The following CSMD1 variants were observed in gnomAD, a reference collection of about 807,000 sequenced individuals.
CSMD1 encodes CUB and Sushi multiple domains 1.
Under a neutral mutation model 417.5 loss-of-function variants are expected in CSMD1, and 213 were observed. That is an observed-to-expected ratio of 0.51 (90% confidence interval 0.46 to 0.57). CSMD1 has a LOEUF of 0.57. Ranked by LOEUF, CSMD1 falls within the 20% of genes least tolerant of loss-of-function variation. The pLI is 0.00. For synonymous variants in CSMD1, 2,862 were observed against 1,736.8 expected (o/e 1.65, Z -16.11); for missense variants, 6,923 against 4,529.7 (o/e 1.53, Z -15.17).
At chr8:3,793,532 C>G (rs1799869295) in intron 5 of CSMD1, among the ~76,000 whole-genome samples, 1 of 150,888 alleles carries the variant, frequency 6.6e-6, no homozygotes, top group Admixed American at 6.6e-5. Context: ...GATTCGATCT[C>G]TGGGCTTCCA....
chr8:3,716,379 G>A (rs867773070), intron 6 of CSMD1, among the ~76,000 whole-genome samples: 16 of 152,206 alleles, frequency 1.1e-4, no homozygotes, highest in Admixed American at 3.9e-4. Flanking sequence ...CTTGAAGGCC[G>A]CTGGTTGCCC....
At chr8:3,496,684 G>C (rs1341941208) in intron 10 of CSMD1, among the ~76,000 whole-genome samples, 1 of 152,090 alleles carries the variant, frequency 6.6e-6, no homozygotes, top group Non-Finnish European at 1.5e-5. Context: ...AAATTAGCCT[G>C]GCATGGTGGC....
intron 3 of CSMD1, among the ~76,000 whole-genome samples, chr8:4,281,765 A>G (rs1713541252): frequency 6.6e-6 from 1 of 152,226 alleles, no homozygotes; most frequent in African/African-American, 2.4e-5. Context: ...CAAAATACAT[A>G]AAGGAATAAA....
chr8:4,647,044 T>C (rs1803561366), intron 1 of CSMD1, among the ~76,000 whole-genome samples: 1 of 152,124 alleles, frequency 6.6e-6, no homozygotes, highest in South Asian at 2.1e-4. Context: ...CCATCCAAAG[T>C]GAGGCCAAGA....
At chr8:3,403,286 C>G (rs1585111950) in intron 15 of CSMD1, among the ~76,000 whole-genome samples, 1 of 152,172 alleles carries the variant, frequency 6.6e-6, no homozygotes, top group Admixed American at 6.5e-5. Context: ...GTATTACTCA[C>G]TGCTTCATTG....
chr8:4,424,014 G>C (rs1265455062), intron 2 of CSMD1, among the ~76,000 whole-genome samples: 3 of 151,930 alleles, frequency 2.0e-5, no homozygotes, highest in Admixed American at 1.3e-4. Flanking sequence ...ATAGCAAATA[G>C]TAAGTTTAAC....
rs1200467224 is a variant in CSMD1, at chr8:4,961,898, CCTTT to C, written c.85+32430_85+32433del. On this transcript the variant is annotated intron_variant, in intron 1 of 69. Coordinates refer to ENST00000635120, the MANE Select transcript of CSMD1 (RefSeq NM_033225.6). ...TTTCTAACACGTGCAAAAATTCCTTCCTTTTTTTTCCAATCTATTATTTTATTCA... is the reference window on the plus strand; with the variant it reads ...TTTCTAACACGTGCAAAAATTCCTTCTTTTTCCAATCTATTATTTTATTCA... 2.0e-5 allele frequency among the ~76,000 whole-genome samples: 3 copies of C among 151,370 alleles called. No individual in the cohort carries two copies. In the East Asian group the frequency reaches 5.8e-4, roughly 29 times the overall value.
Position 3,327,415 on chromosome 8 carries a change from G to A in CSMD1, c.3631+15879C>T, listed in dbSNP as rs896329790. 5.9e-5 allele frequency among the ~76,000 whole-genome samples: 9 copies of A among 152,278 alleles called. No individual in the cohort carries two copies. In the East Asian group the frequency reaches 7.7e-4, roughly 13 times the overall value. ...CCCAAAGTGCTGGGATTACAGGCATGAGCCACCTCGTCCGGCCTACAATAC... is the reference window on the plus strand; with the variant it reads ...CCCAAAGTGCTGGGATTACAGGCATAAGCCACCTCGTCCGGCCTACAATAC... On this transcript the variant is annotated intron_variant, in intron 23 of 69. Coordinates refer to ENST00000635120, the MANE Select transcript of CSMD1 (RefSeq NM_033225.6).
At chr8:3,621,358 C>T (rs1455835228) in intron 7 of CSMD1, among the ~76,000 whole-genome samples, 3 of 152,094 alleles carry the variant, frequency 2.0e-5, no homozygotes, top group Non-Finnish European at 4.4e-5. Flanking sequence ...GGCGTAAGGA[C>T]ACAAAGAGGT....
intron 1 of CSMD1, among the ~76,000 whole-genome samples, chr8:4,677,823 G>T (rs1474561375): frequency 3.3e-5 from 5 of 152,118 alleles, no homozygotes; most frequent in Admixed American, 2.0e-4. Context: ...CAAAAAGGAG[G>T]CAAGGATGGA....
intron 7 of CSMD1, among the ~76,000 whole-genome samples, chr8:3,698,087 G>A (rs901743252): frequency 6.6e-6 from 1 of 152,128 alleles, no homozygotes; most frequent in Non-Finnish European, 1.5e-5. Context: ...TAAACGGTAT[G>A]ATGAATAATT....
At chr8:4,027,397 T>G (rs936004173) in intron 4 of CSMD1, among the ~76,000 whole-genome samples, 1 of 152,144 alleles carries the variant, frequency 6.6e-6, no homozygotes, top group South Asian at 2.1e-4. Context: ...TCCCCATGAG[T>G]TGGGGAGGCA....
intron 11 of CSMD1, among the ~76,000 whole-genome samples, chr8:3,484,796 G>C (rs1478433567): frequency 6.6e-6 from 1 of 152,232 alleles, no homozygotes; most frequent in African/African-American, 2.4e-5. Flanking sequence ...CAAAGAGGAT[G>C]TCAGATAGTA....
chr8:4,805,450 A>G lies in CSMD1; in HGVS notation c.86-167892T>C, dbSNP rs113864076. ...CTTGCCTACTACAGCCAGGAGGCTC[A>G]GTGGGTTGAGAAGCCTGCGTCGAGA... is the stretch of plus-strand genomic sequence containing the variant. On this transcript the variant is annotated intron_variant, in intron 1 of 69. Coordinates refer to ENST00000635120, the MANE Select transcript of CSMD1 (RefSeq NM_033225.6). 6.5e-3 allele frequency among the ~76,000 whole-genome samples: 992 copies of G among 152,234 alleles called. 13 individuals are homozygous for G. The highest frequency in any genetic ancestry group is 0.022 in the African/African-American group (926 of 41,532).
chr8:3,769,064 G>C (rs1215662100), intron 5 of CSMD1, among the ~76,000 whole-genome samples: 4 of 152,232 alleles, frequency 2.6e-5, no homozygotes, highest in African/African-American at 9.6e-5. Flanking sequence ...TAGAAAGTCA[G>C]TCAGGAAAAG....
intron 2 of CSMD1, among the ~76,000 whole-genome samples, chr8:4,532,784 C>T (rs1723506987): frequency 6.6e-6 from 1 of 150,416 alleles, no homozygotes; most frequent in South Asian, 2.1e-4. Context: ...AGAAATCGTG[C>T]ACCCCCAATC....
At chr8:3,739,576 G>C (rs1221427668) in intron 6 of CSMD1, among the ~76,000 whole-genome samples, 1 of 152,148 alleles carries the variant, frequency 6.6e-6, no homozygotes, top group Non-Finnish European at 1.5e-5. Context: ...ATCTGGGAAT[G>C]CTTAAGTTTT....
intron 3 of CSMD1, among the ~76,000 whole-genome samples, chr8:4,038,424 C>G (rs1213504700): frequency 6.6e-6 from 1 of 152,230 alleles, no homozygotes; most frequent in South Asian, 2.1e-4. Flanking sequence ...ATTCAAGACA[C>G]ACACAGACAC....
At chr8:3,794,249 T>A (rs984328646) in intron 5 of CSMD1, among the ~76,000 whole-genome samples, 1 of 152,204 alleles carries the variant, frequency 6.6e-6, no homozygotes, top group Admixed American at 6.5e-5. Context: ...GCAGTTGAGA[T>A]GTTGATGGCC....
Sources: gnomAD v4.1 joint callset for allele counts (sites outside exome capture counted in the v4.1 genomes callset) on GRCh38, gnomAD v4.1.1 for gene constraint, MANE v1.5 for transcripts, NCBI Gene and HGNC (gene_info 2026-07-23, HGNC 2026-07-21) for gene names.